The following ZNF521 variants were observed in gnomAD, a reference collection of about 807,000 sequenced individuals.
ZNF521 encodes the protein LYST-interacting protein 3.
A neutral mutation model predicts 105.5 loss-of-function variants in ZNF521; 14 were observed. The observed-to-expected ratio is 0.13, with a 90% CI of 0.09 to 0.21. The LOEUF (loss-of-function observed/expected upper bound fraction) is 0.21. Ranked by LOEUF, ZNF521 falls within the 10% of genes least tolerant of loss-of-function variation. ZNF521 has a pLI of 1.00. For synonymous variants in ZNF521, 635 were observed against 606.0 expected, an observed-to-expected ratio of 1.05 and a Z score of -0.70; for missense variants, 1,233 against 1,629.7, an observed-to-expected ratio of 0.76 and a Z score of 4.19.
At chr18:25,249,184 C>T (rs1907933653) in intron 3 of ZNF521, among the ~76,000 whole-genome samples, 1 of 151,628 alleles carries the variant, frequency 6.6e-6, no homozygotes, top group African/African-American at 2.4e-5. Flanking sequence ...CGCTCTGTCA[C>T]CCAGGCTGGA....
chr18:25,178,482 C>T (rs2035572037), intron 5 of ZNF521, among the ~76,000 whole-genome samples: 1 of 152,176 alleles, frequency 6.6e-6, no homozygotes, highest in African/African-American at 2.4e-5. Context: ...TGCTCATTCA[C>T]ACATTAGTAT....
intron 3 of ZNF521, among the ~76,000 whole-genome samples, chr18:25,304,914 T>C (rs1166614309): frequency 6.6e-6 from 1 of 152,238 alleles, no homozygotes; most frequent in East Asian, 1.9e-4. Flanking sequence ...AGTAAGATTG[T>C]AGGCAATAGG....
At chr18:25,304,545 C>G (rs1486325215) in intron 3 of ZNF521, among the ~76,000 whole-genome samples, 1 of 152,176 alleles carries the variant, frequency 6.6e-6, no homozygotes, top group Non-Finnish European at 1.5e-5. Context: ...AATGTTGTGA[C>G]AGAATTCTAC....
chr18:25,232,024 C>T (rs1012287760), intron 3 of ZNF521, among the ~76,000 whole-genome samples: 2 of 152,206 alleles, frequency 1.3e-5, no homozygotes, highest in Admixed American at 6.5e-5. Flanking sequence ...CTCTTAACTG[C>T]CCATCGGGGA....
chr18:25,333,785 T>A (rs1192133309), intron 2 of ZNF521, among the ~76,000 whole-genome samples: 1 of 152,196 alleles, frequency 6.6e-6, no homozygotes, highest in African/African-American at 2.4e-5. Context: ...AATCTGCCAG[T>A]GGGAAATATG....
intron 3 of ZNF521, among the ~76,000 whole-genome samples, chr18:25,274,690 A>G (rs952667173): frequency 1.3e-5 from 2 of 152,224 alleles, no homozygotes; most frequent in Non-Finnish European, 2.9e-5. Flanking sequence ...TGGAATAATG[A>G]AGAAATACTT....
At chr18:25,257,456 G>A (rs1048920460) in intron 3 of ZNF521, among the ~76,000 whole-genome samples, 2 of 152,002 alleles carry the variant, frequency 1.3e-5, no homozygotes, top group Admixed American at 6.6e-5. Flanking sequence ...CTGAACCTTC[G>A]TTTCCTTTCT....
intron 5 of ZNF521, among the ~76,000 whole-genome samples, chr18:25,186,727 A>G (rs765891007): frequency 3.9e-5 from 6 of 152,130 alleles, no homozygotes; most frequent in Non-Finnish European, 7.4e-5. Flanking sequence ...CTTCAGCTCA[A>G]TAACAGATGT....
At chr18:25,149,311 G>C (rs1324756356) in intron 5 of ZNF521, among the ~76,000 whole-genome samples, 1 of 152,218 alleles carries the variant, frequency 6.6e-6, no homozygotes, top group African/African-American at 2.4e-5. Context: ...GTTATGGGTA[G>C]AGAATGATTC....
intron 5 of ZNF521, among the ~76,000 whole-genome samples, chr18:25,182,105 A>C (rs2144593957): frequency 6.6e-6 from 1 of 152,294 alleles, no homozygotes; most frequent in Admixed American, 6.5e-5. Context: ...ATTTTGAGGC[A>C]AGAATGATAT....
At position 25,225,037 on chromosome 18, in the gene ZNF521, A is replaced by G. The variant is rs776005336; in HGVS notation, c.2881T>C (p.Cys961Arg). Residue 961 changes from cysteine to arginine, a missense_variant, in exon 4 of 8, where the codon TGC becomes CGC. Coordinates refer to ENST00000361524, the MANE Select transcript of ZNF521 (RefSeq NM_015461.3). This position sits in a 1 kb window ranked among gnomAD's most constrained non-coding sequence, Gnocchi z 5.6. The part of the protein sequence containing the change: ...THLGPVKHYM[C>R]PICGERFPSL... ...GGAAACCGCTCTCCGCAAATAGGGC[A>G]CATGTAGTGTTTGACAGGGCCTAGG... 6.2e-7 allele frequency: 1 copy of G among 1,614,218 alleles called. No homozygotes were observed. The highest frequency in any genetic ancestry group is 8.5e-7 in the Non-Finnish European group (1 of 1,180,038).
intron 3 of ZNF521, among the ~76,000 whole-genome samples, chr18:25,236,910 T>A (rs1906937016): frequency 6.6e-6 from 1 of 152,228 alleles, no homozygotes; most frequent in South Asian, 2.1e-4. Context: ...ATAGAGTTTT[T>A]AAATTTATAA....
chr18:25,233,413 G>A (rs573489674), intron 3 of ZNF521, among the ~76,000 whole-genome samples: 1 of 151,504 alleles, frequency 6.6e-6, no homozygotes, highest in South Asian at 2.1e-4. Flanking sequence ...ACTTGAAAAC[G>A]AATACCCTTT....
intron 4 of ZNF521, among the ~76,000 whole-genome samples, chr18:25,208,723 A>G (rs939265699): frequency 1.3e-5 from 2 of 152,242 alleles, no homozygotes; most frequent in African/African-American, 4.8e-5. Flanking sequence ...TAAAACATTT[A>G]AAACCAACTT....
At chr18:25,245,434 C>T (rs1260337205) in intron 3 of ZNF521, among the ~76,000 whole-genome samples, 1 of 152,134 alleles carries the variant, frequency 6.6e-6, no homozygotes, top group Non-Finnish European at 1.5e-5. Context: ...CATTATCACC[C>T]AAACACTCAT....
intron 5 of ZNF521, among the ~76,000 whole-genome samples, chr18:25,111,140 C>T (rs1485507807): frequency 6.6e-6 from 1 of 152,030 alleles, no homozygotes; most frequent in Admixed American, 6.6e-5. Context: ...AAACGGTGCC[C>T]AGCTTCCTCC....
chr18:25,070,514 T>C (rs942417969), intron 7 of ZNF521, among the ~76,000 whole-genome samples: 18 of 152,192 alleles, frequency 1.2e-4, no homozygotes, highest in African/African-American at 4.1e-4. Flanking sequence ...TCCCATTCAC[T>C]TGCTTGGTTC....
chr18:25,244,616 C>T (rs1907581850), intron 3 of ZNF521, among the ~76,000 whole-genome samples: 1 of 152,222 alleles, frequency 6.6e-6, no homozygotes, highest in South Asian at 2.1e-4. Flanking sequence ...TTCAAATTCT[C>T]ATCTAAACAG....
chr18:25,244,883 C>T (rs1907599440), intron 3 of ZNF521, among the ~76,000 whole-genome samples: 1 of 152,176 alleles, frequency 6.6e-6, no homozygotes, highest in South Asian at 2.1e-4. Flanking sequence ...GTTCTACCAA[C>T]CTTATATATT....
Sources: gnomAD v4.1 joint callset for allele counts (sites outside exome capture counted in the v4.1 genomes callset) on GRCh38, gnomAD v4.1.1 for gene constraint, Gnocchi (gnomAD v3.1) non-coding constraint, MANE v1.5 for transcripts, NCBI Gene and HGNC (gene_info 2026-07-23, HGNC 2026-07-21) for gene names.